The following TIAM1 variants were observed in gnomAD, a reference collection of about 807,000 sequenced individuals.
TIAM1 encodes the protein TIAM Rac1 associated GEF 1, also known as rho guanine nucleotide exchange factor TIAM1.
Under a neutral mutation model 163.5 loss-of-function variants are expected in TIAM1, and 65 were observed. The ratio of observed to expected loss-of-function variants is 0.40; its 90% CI spans 0.33 to 0.49. The LOEUF is 0.49. Among genes scored for constraint, TIAM1 ranks in the 20% least tolerant of loss-of-function variants. The pLI is 0.77. For synonymous variants in TIAM1, 833 were observed against 810.1 expected (o/e 1.03, Z -0.48); for missense variants, 1,789 against 2,044.7 (o/e 0.87, Z 2.41).
At chr21:31,196,035 T>TA (rs2146497485) in intron 12 of TIAM1, among the ~76,000 whole-genome samples, 1 of 152,290 alleles carries the variant, frequency 6.6e-6, no homozygotes, top group South Asian at 2.1e-4. Flanking sequence ...GACAAAGCTG[T>TA]AATATCCAGA....
At chr21:31,454,603 A>G (rs1417535323) in intron 2 of TIAM1, among the ~76,000 whole-genome samples, 1 of 152,188 alleles carries the variant, frequency 6.6e-6, no homozygotes, top group East Asian at 1.9e-4. Context: ...GTCCAAGCCA[A>G]GCATGACAAG....
At chr21:31,429,666 C>T (rs1405282190) in intron 2 of TIAM1, among the ~76,000 whole-genome samples, 4 of 152,020 alleles carry the variant, frequency 2.6e-5, no homozygotes, top group South Asian at 2.1e-4. Context: ...TAGGCGTGGG[C>T]GCACCACCTG....
At chr21:31,515,671 CA>C (rs1451462103) in intron 1 of TIAM1, among the ~76,000 whole-genome samples, 6 of 152,200 alleles carry the variant, frequency 3.9e-5, no homozygotes, top group Non-Finnish European at 7.3e-5. Context: ...TTCAGACATG[CA>C]GCGCCAGCAA....
At chr21:31,400,640 GA>G (rs2077149030) in intron 2 of TIAM1, among the ~76,000 whole-genome samples, 1 of 152,212 alleles carries the variant, frequency 6.6e-6, no homozygotes, top group African/African-American at 2.4e-5. Flanking sequence ...ATAAGGAACT[GA>G]AATTCAAAGA....
chr21:31,542,028 G>T (rs1266397615), intron 1 of TIAM1, among the ~76,000 whole-genome samples: 1 of 152,114 alleles, frequency 6.6e-6, no homozygotes, highest in Non-Finnish European at 1.5e-5. Context: ...TCCCTCTGTG[G>T]TCATTCGAAA....
intron 16 of TIAM1, among the ~76,000 whole-genome samples, chr21:31,160,083 G>A (rs982039020): frequency 6.6e-6 from 1 of 152,150 alleles, no homozygotes; most frequent in Admixed American, 6.5e-5. Context: ...TTCTCACCAT[G>A]CACGTAACAC....
At chr21:31,291,550 G>A (rs1415432032) in intron 2 of TIAM1, among the ~76,000 whole-genome samples, 1 of 152,170 alleles carries the variant, frequency 6.6e-6, no homozygotes, top group Non-Finnish European at 1.5e-5. Context: ...TTGAGATGGA[G>A]TCTCGCTCTG....
chr21:31,290,384 A>G (rs8132779), intron 2 of TIAM1, among the ~76,000 whole-genome samples: 6,529 of 152,158 alleles, frequency 0.043, 485 homozygotes, highest in African/African-American at 0.15. Context: ...CTATAATTCT[A>G]TCACTTTGAG....
intron 7 of TIAM1, among the ~76,000 whole-genome samples, chr21:31,224,936 T>C (rs1004821963): frequency 6.6e-6 from 1 of 152,202 alleles, no homozygotes. Context: ...CTAAATCTTT[T>C]TTCTTTAGCA....
At chr21:31,226,084 C>T in intron 6 of TIAM1, 134 bp from the exon 7 acceptor site, 1 of 689,530 alleles carries the variant, frequency 1.5e-6, no homozygotes, top group African/African-American at 1.8e-5. Flanking sequence ...TAAGAATAAC[C>T]TGACCTCCTC....
intron 26 of TIAM1, among the ~76,000 whole-genome samples, chr21:31,125,347 G>A (rs888942988): frequency 6.6e-6 from 1 of 151,988 alleles, no homozygotes; most frequent in African/African-American, 2.4e-5. Flanking sequence ...CGTGTAGGCA[G>A]GGCTACTAAA....
chr21:31,456,707 C>T (rs1038679481), intron 2 of TIAM1, among the ~76,000 whole-genome samples: 5 of 152,112 alleles, frequency 3.3e-5, no homozygotes, highest in African/African-American at 1.2e-4. Flanking sequence ...TTGCTATACT[C>T]CCCCAACACT....
At position 31,245,629 on chromosome 21, in the gene TIAM1, G is replaced by T. The variant is rs1569097793; in HGVS notation, c.1443C>A (p.Gly481=). The change falls in exon 6 of 28, where the codon GGC becomes GGA. Residue 481 remains glycine, a synonymous_variant. Coordinates refer to ENST00000541036, the MANE Select transcript of TIAM1 (RefSeq NM_001353694.2). The part of the protein sequence containing the change: ...GCTLFFYESD[G]RSGIDHNSIP... ...TGCTGTTGTGGTCTATCCCAGACCT[G>T]CCGTCGCTCTCGTAGAAAAATAGCG... is the stretch of plus-strand genomic sequence containing the variant. 1 of 1,587,964 alleles carries T rather than the reference G, an allele frequency of 6.3e-7. No individual in the cohort carries two copies. The highest frequency in any genetic ancestry group is 1.2e-5 in the South Asian group (1 of 86,630).
intron 17 of TIAM1, 35 bp from the exon 18 acceptor site, chr21:31,153,169 G>GT: frequency 6.4e-7 from 1 of 1,554,282 alleles, no homozygotes. Context: ...TAGCTTATGT[G>GT]TTTTATTTTT....
At chr21:31,137,644 T>G (rs1390937662) in intron 22 of TIAM1, among the ~76,000 whole-genome samples, 1 of 151,818 alleles carries the variant, frequency 6.6e-6, no homozygotes, top group African/African-American at 2.4e-5. Context: ...CCTTCTGCCA[T>G]GTGATTTTCC....
intron 1 of TIAM1, among the ~76,000 whole-genome samples, chr21:31,532,816 G>A (rs575543590): frequency 1.3e-5 from 2 of 152,304 alleles, no homozygotes; most frequent in African/African-American, 2.4e-5. Context: ...GTGTGGTGGC[G>A]CATGCCTGCA....
In TIAM1 at chr21:31,130,320, AGAG is replaced by A. The variant is rs755312938; in HGVS notation, c.3943-8_3943-6del. The A allele has an allele frequency of 1.7e-4, 270 of 1,611,722 alleles. 1 individual carries two copies. Among genetic ancestry groups the A allele is most frequent in the Admixed American group, 5.0e-4 (30 of 60,010 alleles). On this transcript the variant is annotated splice_region_variant and splice_polypyrimidine_tract_variant and intron_variant, in intron 24 of 27. Coordinates refer to ENST00000541036, the MANE Select transcript of TIAM1 (RefSeq NM_001353694.2). ...GGAAAGCCTGTGAGATCCTACCTGC[AGAG>A]GAGAAGGAACCAGCTGCATAAGAAG...
chr21:31,280,222 T>G (rs1050787587), intron 2 of TIAM1, among the ~76,000 whole-genome samples: 4 of 152,196 alleles, frequency 2.6e-5, no homozygotes, highest in African/African-American at 9.7e-5. Context: ...ACTCCCACAT[T>G]CCCACGTGTC....
At chr21:31,122,673 T>C (rs1170286741) in intron 27 of TIAM1, among the ~76,000 whole-genome samples, 1 of 152,230 alleles carries the variant, frequency 6.6e-6, no homozygotes, top group African/African-American at 2.4e-5. Context: ...GGCAAACGTA[T>C]AGTACTTTAG....
Sources: allele counts gnomAD v4.1 joint callset (sites outside exome capture counted in the v4.1 genomes callset), GRCh38; gene constraint gnomAD v4.1.1; transcripts MANE v1.5; gene names NCBI Gene and HGNC (gene_info 2026-07-23, HGNC 2026-07-21).